The following PLPPR4 variants were observed in gnomAD, a reference collection of about 807,000 sequenced individuals.
The protein encoded by PLPPR4 is phospholipid phosphatase-related protein type 4.
A neutral mutation model predicts 56.6 loss-of-function variants in PLPPR4; 24 were observed. The ratio of observed to expected loss-of-function variants is 0.42; its 90% confidence interval spans 0.31 to 0.60. PLPPR4 has a LOEUF of 0.60. PLPPR4 is among the 20% of genes least tolerant of loss of function. The pLI is 0.13. For synonymous variants in PLPPR4, 326 were observed against 328.1 expected, an observed-to-expected ratio of 0.99 and a Z score of 0.07; for missense variants, 654 against 885.8, an observed-to-expected ratio of 0.74 and a Z score of 3.32.
chr1:99,269,851 T>C (rs1244273243), intron 1 of PLPPR4, among the ~76,000 whole-genome samples: 1 of 152,170 alleles, frequency 6.6e-6, no homozygotes, highest in African/African-American at 2.4e-5. Flanking sequence ...TGCACACACT[T>C]CTGTGCATAG....
intron 2 of PLPPR4, among the ~76,000 whole-genome samples, chr1:99,291,008 C>A (rs1287191549): frequency 6.6e-6 from 1 of 151,822 alleles, no homozygotes; most frequent in East Asian, 1.9e-4. Context: ...AAAAAGACAA[C>A]CTACAGAATG....
intron 1 of PLPPR4, among the ~76,000 whole-genome samples, chr1:99,284,641 T>C (rs749383587): frequency 9.2e-5 from 14 of 151,554 alleles, no homozygotes; most frequent in Non-Finnish European, 1.9e-4. Context: ...TATAGAAATA[T>C]AGAAGATATT....
At chr1:99,305,182 A>G (rs1239968568) in intron 6 of PLPPR4, among the ~76,000 whole-genome samples, 1 of 152,164 alleles carries the variant, frequency 6.6e-6, no homozygotes, top group Non-Finnish European at 1.5e-5. Flanking sequence ...TCGTAATAAC[A>G]TATGTCTCCG....
At chr1:99,272,096 C>T (rs1001935024) in intron 1 of PLPPR4, among the ~76,000 whole-genome samples, 1 of 152,128 alleles carries the variant, frequency 6.6e-6, no homozygotes. Flanking sequence ...AACACATTTT[C>T]TCTCAGCATA....
chr1:99,304,670 T>G (rs1439284691), intron 6 of PLPPR4, among the ~76,000 whole-genome samples: 1 of 152,224 alleles, frequency 6.6e-6, no homozygotes, highest in Non-Finnish European at 1.5e-5. Flanking sequence ...GCCCTGAAAT[T>G]GGAAAATTTT....
intron 1 of PLPPR4, among the ~76,000 whole-genome samples, chr1:99,286,188 G>T (rs970974797): frequency 1.3e-5 from 2 of 151,888 alleles, no homozygotes; most frequent in South Asian, 2.1e-4. Flanking sequence ...TATTGCATGG[G>T]GTATACTTAC....
At chr1:99,274,170 A>C (rs942476249) in intron 1 of PLPPR4, among the ~76,000 whole-genome samples, 4 of 151,444 alleles carry the variant, frequency 2.6e-5, no homozygotes, top group African/African-American at 9.7e-5. Flanking sequence ...TTTTTTTTTT[A>C]CTTTTTTAAA....
chr1:99,280,642 G>A (rs1398631270), intron 1 of PLPPR4, among the ~76,000 whole-genome samples: 9 of 152,240 alleles, frequency 5.9e-5, no homozygotes, highest in Admixed American at 3.9e-4. Context: ...TATGTGAGAC[G>A]GAGTCTTCAA....
At chr1:99,297,046 A>G (rs1659761791) in intron 3 of PLPPR4, among the ~76,000 whole-genome samples, 179 bp downstream of exon 3, 1 of 152,166 alleles carries the variant, frequency 6.6e-6, no homozygotes, top group African/African-American at 2.4e-5. Context: ...TGTATCTGAA[A>G]TGTGTTATTT....
intron 2 of PLPPR4, among the ~76,000 whole-genome samples, chr1:99,290,424 T>G (rs545722179): frequency 6.6e-6 from 1 of 152,190 alleles, no homozygotes; most frequent in African/African-American, 2.4e-5. Flanking sequence ...ATGTTCTTCA[T>G]AGAACTAGAA....
intron 1 of PLPPR4, among the ~76,000 whole-genome samples, chr1:99,286,726 GA>G (rs1381216892): frequency 9.2e-5 from 14 of 152,258 alleles, no homozygotes; most frequent in African/African-American, 3.1e-4. Flanking sequence ...TACAGGAAAA[GA>G]ATGAAAACCA....
intron 1 of PLPPR4, among the ~76,000 whole-genome samples, chr1:99,266,603 T>C (rs992495817): frequency 3.9e-5 from 6 of 152,238 alleles, no homozygotes; most frequent in African/African-American, 1.4e-4. Flanking sequence ...TTTGGCCTAT[T>C]CAGATACCCT....
At chr1:99,285,773 C>G (rs950927358) in intron 1 of PLPPR4, among the ~76,000 whole-genome samples, 2 of 152,058 alleles carry the variant, frequency 1.3e-5, no homozygotes, top group Non-Finnish European at 2.9e-5. Flanking sequence ...TTGTCTTTAT[C>G]AAAAACATTT....
chr1:99,278,168 C>T (rs1659238720), intron 1 of PLPPR4, among the ~76,000 whole-genome samples: 1 of 152,078 alleles, frequency 6.6e-6, no homozygotes, highest in South Asian at 2.1e-4. Context: ...AGGTAGAATA[C>T]AGTAATTCTG....
At position 99,306,565 on chromosome 1, in the gene PLPPR4, A is replaced by G; in HGVS notation, c.1703A>G (p.Glu568Gly). Reference protein sequence around the residue: ...SIRYKTLTDHEPSGIVRVEAH... With the variant: ...SIRYKTLTDHGPSGIVRVEAH... ...CGCTATAAAACCTTGACAGACCATG[A>G]GCCCAGTGGGATAGTGAGGGTTGAG... Residue 568 changes from glutamate to glycine, a missense_variant, in exon 7 of 7, where the codon GAG (glutamate) becomes GGG (glycine). By Grantham distance (98) the Glu-to-Gly change is moderately conservative. Around this residue, in one of 2 missense-constraint regions of PLPPR4, gnomAD observed 468 missense variants for 554.3 expected, o/e 0.84. Transcript: ENST00000370185. The surrounding 1 kb of genome is among the most constrained non-coding windows in gnomAD (Gnocchi z 4.0). The G allele has an allele frequency of 4.3e-6, 7 of 1,614,130 alleles. No individual in the cohort carries two copies. Among genetic ancestry groups the G allele is most frequent in the Non-Finnish European group, 5.9e-6 (7 of 1,180,022 alleles).
rs560993382 is a variant in PLPPR4, at chr1:99,291,575, C to T, written c.264+3425C>T. On this transcript the variant is annotated intron_variant, in intron 2 of 6. Transcript: ENST00000370185. ...ATAAAGAAAATGTGGTACATATACA[C>T]CATGGAATACTATGCAGCCATAAAA... 2.0e-5 allele frequency among the ~76,000 whole-genome samples: 3 copies of T among 152,300 alleles called. No homozygotes were observed. The East Asian group carries it at 5.8e-4, about 29-fold the overall frequency.
intron 1 of PLPPR4, among the ~76,000 whole-genome samples, chr1:99,275,457 A>G (rs1570908321): frequency 6.6e-6 from 1 of 152,074 alleles, no homozygotes; most frequent in Admixed American, 6.6e-5. Context: ...TTATTTTTAA[A>G]CTCCAGCCTG....
rs1410319297 is a variant in PLPPR4, at chr1:99,306,206, T to A, written c.1344T>A (p.Gly448=). ...TAGGGGTGAATGGAGACCACCATGG[T>A]CCTGGCAATCAGTACCTCAAAATCC... is the stretch of plus-strand genomic sequence containing the variant. ...SRVGVNGDHH[G]PGNQYLKIQP... Residue 448 remains glycine (G), a synonymous_variant, in exon 7 of 7, where the codon GGT becomes GGA. Coordinates refer to ENST00000370185, the MANE Select transcript of PLPPR4 (RefSeq NM_014839.5). The surrounding 1 kb of genome is among the most constrained non-coding windows in gnomAD (Gnocchi z 4.0). 6.2e-7 allele frequency: 1 copy of A among 1,613,878 alleles called. No homozygotes were observed. The highest frequency in any genetic ancestry group is 1.3e-5 in the African/African-American group (1 of 74,890).
chr1:99,263,676 A>G (rs368690776), upstream of PLPPR4, among the ~76,000 whole-genome samples: 108 of 152,282 alleles, frequency 7.1e-4, no homozygotes, highest in South Asian at 3.9e-3. Flanking sequence ...TATACTGCCA[A>G]CAAGATGAAG....
Sources: gnomAD v4.1 joint callset for allele counts (sites outside exome capture counted in the v4.1 genomes callset) on GRCh38, gnomAD v4.1.1 for gene constraint, gnomAD v4.1.1 regional missense constraint, Gnocchi (gnomAD v3.1) non-coding constraint, MANE v1.5 for transcripts, NCBI Gene and HGNC (gene_info 2026-07-23, HGNC 2026-07-21) for gene names.